The following MTA3 variants were observed in gnomAD, a reference collection of about 807,000 sequenced individuals.
MTA3 encodes the protein metastasis-associated protein MTA3.
Under a neutral mutation model 83.5 loss-of-function variants are expected in MTA3, and 34 were observed. The ratio of observed to expected loss-of-function variants is 0.41; its 90% confidence interval spans 0.31 to 0.54. The LOEUF is 0.54. Ranked by LOEUF, MTA3 falls within the 20% of genes least tolerant of loss-of-function variation. The pLI, the probability that MTA3 is intolerant of heterozygous loss-of-function variation, is 0.33. For missense variants in MTA3, 761 were observed against 726.4 expected (o/e 1.05, Z -0.55); for synonymous variants, 303 against 252.7 (o/e 1.20, Z -1.89).
At chr2:42,530,264 C>G (rs946872208) in intron 2 of MTA3, among the ~76,000 whole-genome samples, 1 of 150,286 alleles carries the variant, frequency 6.7e-6, no homozygotes, top group Non-Finnish European at 1.5e-5. Context: ...CCAAGACAGG[C>G]GGATCATGAG....
rs1195415547 is a variant in MTA3, at chr2:42,756,619, G to C, written c.*3220G>C. The C allele has an allele frequency of 2.0e-6, 2 of 985,444 alleles. No individual in the cohort carries two copies. The highest frequency in any genetic ancestry group is 1.1e-4 in the East Asian group (1 of 8,810). The allele number at this position is 985,444 out of a possible 1,614,324, so 61.0% of individuals were successfully genotyped here. A position where few individuals can be genotyped will look rare whatever the true frequency, so the allele number is the denominator to read the frequency against. ...GTTTTACTCTGCCTAGAGAGGAAACGGCTTTGGGGAGGGAGGGGGAAGCCT... is the reference window on the plus strand; with the variant it reads ...GTTTTACTCTGCCTAGAGAGGAAACCGCTTTGGGGAGGGAGGGGGAAGCCT... On this transcript the variant is annotated 3_prime_UTR_variant, in exon 17 of 17. Coordinates refer to ENST00000405094, the MANE Select transcript of MTA3 (RefSeq NM_001330442.2).
chr2:42,574,046 C>T (rs1678774904), intron 2 of MTA3, among the ~76,000 whole-genome samples: 1 of 150,942 alleles, frequency 6.6e-6, no homozygotes, highest in Non-Finnish European at 1.5e-5. Flanking sequence ...CCGTGTTAGC[C>T]AGGATGGTCT....
intron 6 of MTA3, among the ~76,000 whole-genome samples, chr2:42,654,893 G>A (rs750848271): frequency 6.6e-6 from 1 of 152,134 alleles, no homozygotes; most frequent in Non-Finnish European, 1.5e-5. Flanking sequence ...TGGGATTATA[G>A]GTGTGAGCCA....
intron 4 of MTA3, among the ~76,000 whole-genome samples, chr2:42,621,869 C>T (rs1685585846): frequency 6.7e-6 from 1 of 150,320 alleles, no homozygotes; most frequent in Admixed American, 6.6e-5. Flanking sequence ...GGCGGCCAGG[C>T]AGAGATGCTC....
intron 2 of MTA3, among the ~76,000 whole-genome samples, chr2:42,528,934 T>G (rs576543338): frequency 1.3e-5 from 2 of 152,318 alleles, no homozygotes; most frequent in East Asian, 3.9e-4. Flanking sequence ...GTTTGCCTTA[T>G]TTGAATAGGG....
chr2:42,609,332 A>G (rs564867145), intron 3 of MTA3, 126 bp from the exon 4 acceptor site: 18 of 1,083,490 alleles, frequency 1.7e-5, no homozygotes, highest in African/African-American at 9.6e-5. Flanking sequence ...GCACCTGGCA[A>G]ATGTTTAAAT....
intron 2 of MTA3, among the ~76,000 whole-genome samples, chr2:42,535,903 G>T (rs1357477335): frequency 3.0e-5 from 2 of 66,644 alleles, no homozygotes; most frequent in Non-Finnish European, 6.7e-5. Flanking sequence ...AGGATCCCAT[G>T]AGCCCAGGAG....
intron 2 of MTA3, among the ~76,000 whole-genome samples, chr2:42,525,879 C>T (rs899548533): frequency 2.0e-5 from 3 of 151,194 alleles, no homozygotes; most frequent in African/African-American, 7.3e-5. Context: ...AAGCTGGTCT[C>T]AAACTCCTGA....
At chr2:42,551,047 C>CTAAA (rs61107846) in intron 2 of MTA3, among the ~76,000 whole-genome samples, 24,225 of 142,502 alleles carry the variant, frequency 0.17, 2,109 homozygotes, top group African/African-American at 0.21. Flanking sequence ...CAGACTCTGA[C>CTAAA]TAAATAAATA....
chr2:42,738,792 G>T (rs1243408074), intron 16 of MTA3, among the ~76,000 whole-genome samples: 1 of 152,204 alleles, frequency 6.6e-6, no homozygotes, highest in African/African-American at 2.4e-5. Context: ...CTCTGAACTG[G>T]CCCCCCAGGG....
At chr2:42,654,368 T>G (rs1688977318) in intron 6 of MTA3, among the ~76,000 whole-genome samples, 1 of 152,226 alleles carries the variant, frequency 6.6e-6, no homozygotes, top group Non-Finnish European at 1.5e-5. Context: ...CAGAGTATTA[T>G]GTCAGCCGTT....
intron 4 of MTA3, among the ~76,000 whole-genome samples, chr2:42,624,375 G>A (rs577494500): frequency 9.7e-4 from 147 of 152,074 alleles, no homozygotes; most frequent in Non-Finnish European, 1.8e-3. Context: ...AGGCTGGAGT[G>A]CAGTGGTGTG....
At chr2:42,656,371 T>C (rs1689172900) in intron 7 of MTA3, 69 bp downstream of exon 7, 8 of 934,508 alleles carry the variant, frequency 8.6e-6, no homozygotes, top group Non-Finnish European at 1.3e-5. Context: ...GGTATATGTA[T>C]TTTTATTTCT....
intron 3 of MTA3, among the ~76,000 whole-genome samples, chr2:42,594,728 A>ATATATTTTTTTTTTTTT: frequency 2.1e-4 from 5 of 24,044 alleles, no homozygotes; most frequent in African/African-American, 6.7e-4. Context: ...ATATATATAT[A>ATATATTTTTTTTTTTTT]TTTTTTTTTT....
intron 4 of MTA3, among the ~76,000 whole-genome samples, chr2:42,639,503 C>G (rs879737646): frequency 7.2e-5 from 11 of 152,098 alleles, no homozygotes; most frequent in African/African-American, 2.7e-4. Context: ...TTCTCAGAGT[C>G]TAGACAAGCC....
chr2:42,555,810 G>A (rs867911818), intron 2 of MTA3, among the ~76,000 whole-genome samples: 1 of 150,084 alleles, frequency 6.7e-6, no homozygotes, highest in African/African-American at 2.5e-5. Flanking sequence ...GGTGGCTCAC[G>A]CCTGTAATCC....
chr2:42,753,437 C>A lies in MTA3; in HGVS notation c.*38C>A. On this transcript the variant is annotated 3_prime_UTR_variant, in exon 17 of 17. Transcript: ENST00000405094. ...TCATTCTACAATCCAAGACTTGCTG[C>A]ACTGTCCTGCTGATGTTCACAGCCG... 1 of 1,550,470 alleles carries A rather than the reference C, an allele frequency of 6.4e-7. No homozygotes were observed. The highest frequency in any genetic ancestry group is 8.7e-7 in the Non-Finnish European group (1 of 1,146,874).
In MTA3 at chr2:42,553,126, A is replaced by T. The variant is rs199922222; in HGVS notation, c.-140-17311A>T. ...ACCCTGTCTCTACAAAAAAATTTTT[A>T]AAAAATTAGGCTGGGTGGGCCGGGC... On this transcript the variant is annotated intron_variant, in intron 2 of 17. Transcript: ENST00000405592. Among the ~76,000 whole-genome samples the T allele has an allele frequency of 3.8e-4, 57 of 152,000 alleles. 1 individual carries two copies. The East Asian group carries it at 9.6e-3, about 26-fold the overall frequency.
intron 2 of MTA3, among the ~76,000 whole-genome samples, chr2:42,573,256 G>A (rs1201290412): frequency 1.3e-5 from 2 of 152,166 alleles, no homozygotes; most frequent in Admixed American, 1.3e-4. Flanking sequence ...GTCTTGAGAA[G>A]GCAAGCCTGA....
Sources: gnomAD v4.1 joint callset for allele counts (sites outside exome capture counted in the v4.1 genomes callset) on GRCh38, gnomAD v4.1.1 for gene constraint, MANE v1.5 for transcripts, NCBI Gene and HGNC (gene_info 2026-07-23, HGNC 2026-07-21) for gene names.